Variants in ZNHIT6 observed in about 807,000 individuals in gnomAD.
ZNHIT6 encodes box C/D snoRNA protein 1.
In ZNHIT6, 45 loss-of-function variants were observed where a neutral mutation model predicts 57.2. That is an observed-to-expected ratio of 0.79 (90% CI 0.62 to 1.01). The LOEUF is 1.01. Ranked by LOEUF, ZNHIT6 falls within the 50% of genes least tolerant of loss-of-function variation. The probability of loss-of-function intolerance (pLI) is 0.00; values close to 1 mark genes in which losing one functional copy is unlikely to be tolerated. For synonymous variants in ZNHIT6, 188 were observed against 190.0 expected, an observed-to-expected ratio of 0.99 and a Z score of 0.09; for missense variants, 528 against 567.3, an observed-to-expected ratio of 0.93 and a Z score of 0.70.
chr1:85,692,999 C>T (rs1334137748), intron 5 of ZNHIT6, among the ~76,000 whole-genome samples: 3 of 152,032 alleles, frequency 2.0e-5, no homozygotes, highest in Non-Finnish European at 4.4e-5. Context: ...TATCTTCATA[C>T]TGTAAGTAAA....
chr1:85,680,922 CA>C lies in ZNHIT6; in HGVS notation c.1020-19del. The C allele has an allele frequency of 6.3e-7, 1 of 1,595,444 alleles. No individual in the cohort carries two copies. The highest frequency in any genetic ancestry group is 8.6e-7 in the Non-Finnish European group (1 of 1,166,380). Reference sequence around the variant, plus strand: ...GTTGTTTTCTAAGAGAGAAAATAATCATGTGAGAATCAAGGTAGATAATAAA... The same window carrying C: ...GTTGTTTTCTAAGAGAGAAAATAATCTGTGAGAATCAAGGTAGATAATAAA... On this transcript the variant is annotated intron_variant, in intron 5 of 9. Transcript: ENST00000370574.
chr1:85,670,498 A>T (rs769229045), intron 8 of ZNHIT6, among the ~76,000 whole-genome samples: 1 of 152,174 alleles, frequency 6.6e-6, no homozygotes, highest in Non-Finnish European at 1.5e-5. Flanking sequence ...TTAAGACTGA[A>T]CACTTACTGT....
intron 5 of ZNHIT6, among the ~76,000 whole-genome samples, chr1:85,695,905 A>G (rs1557869073): frequency 6.6e-6 from 1 of 152,186 alleles, no homozygotes; most frequent in Non-Finnish European, 1.5e-5. Flanking sequence ...GTGTGGTGGC[A>G]TGTGCCTGTA....
intron 9 of ZNHIT6, among the ~76,000 whole-genome samples, 162 bp from the exon 10 acceptor site, chr1:85,654,260 C>T (rs1557829201): frequency 6.6e-6 from 1 of 152,132 alleles, no homozygotes; most frequent in African/African-American, 2.4e-5. Context: ...CAATTCTGGC[C>T]ACAATAAATA....
intron 8 of ZNHIT6, among the ~76,000 whole-genome samples, chr1:85,675,374 G>A (rs966711473): frequency 2.0e-5 from 3 of 152,142 alleles, no homozygotes; most frequent in Admixed American, 2.0e-4. Context: ...GTCCCAAAGA[G>A]GATCGAAGTT....
chr1:85,678,891 A>G, intron 6 of ZNHIT6, 110 bp from the exon 7 acceptor site: 1 of 564,698 alleles, frequency 1.8e-6, no homozygotes, highest in Non-Finnish European at 3.0e-6. Flanking sequence ...AAATAACTGA[A>G]CAAAGACCTT....
chr1:85,678,563 G>A, intron 7 of ZNHIT6, 138 bp downstream of exon 7: 1 of 593,506 alleles, frequency 1.7e-6, no homozygotes, highest in Non-Finnish European at 2.9e-6. Flanking sequence ...TCTACAGACA[G>A]ACCTTCAGTA....
chr1:85,676,756 A>T (rs1362751800), intron 8 of ZNHIT6, among the ~76,000 whole-genome samples: 1 of 151,956 alleles, frequency 6.6e-6, no homozygotes, highest in Non-Finnish European at 1.5e-5. Flanking sequence ...AGTAACATTA[A>T]AGTGTTACTA....
At chr1:85,688,461 T>C (rs770465105) in intron 5 of ZNHIT6, among the ~76,000 whole-genome samples, 2 of 152,226 alleles carry the variant, frequency 1.3e-5, no homozygotes, top group Non-Finnish European at 2.9e-5. Flanking sequence ...GTATCTCAGT[T>C]ACTTTTTATT....
chr1:85,697,275 C>T (rs1169461618), intron 5 of ZNHIT6, among the ~76,000 whole-genome samples: 1 of 151,994 alleles, frequency 6.6e-6, no homozygotes, highest in Non-Finnish European at 1.5e-5. Flanking sequence ...CTTTTTTGGT[C>T]CAGTCTTTTC....
intron 5 of ZNHIT6, among the ~76,000 whole-genome samples, chr1:85,700,636 T>A (rs538337879): frequency 1.3e-5 from 2 of 152,344 alleles, no homozygotes; most frequent in South Asian, 4.1e-4. Context: ...TTACAATCAT[T>A]CTGAATAGTT....
chr1:85,658,670 G>C (rs1202288384), intron 8 of ZNHIT6, among the ~76,000 whole-genome samples: 1 of 151,986 alleles, frequency 6.6e-6, no homozygotes, highest in African/African-American at 2.4e-5. Context: ...TTGGGAGTTT[G>C]AGACCAGCGT....
At position 85,649,855 on chromosome 1, in the gene ZNHIT6, A is replaced by AT. The variant is rs1271937623; in HGVS notation, c.*4202dup. The stretch of plus-strand genomic sequence containing the variant: ...ATGATGTCAAATAAAAATGGATGGC[A>AT]TTAAAAAAAAAATCCAAAAACCTAT... On this transcript the variant is annotated 3_prime_UTR_variant, in exon 10 of 10. Coordinates refer to ENST00000370574, the MANE Select transcript of ZNHIT6 (RefSeq NM_017953.4). 1.3e-5 allele frequency: 2 copies of AT among 152,124 alleles called. No homozygotes were observed. 9.4% of individuals were successfully genotyped at this position (152,124 alleles called of 1,614,324 possible).
intron 5 of ZNHIT6, among the ~76,000 whole-genome samples, chr1:85,699,544 C>T (rs17128092): frequency 0.038 from 5,847 of 152,044 alleles, 188 homozygotes; most frequent in East Asian, 0.14. Context: ...TAAAGCTGCC[C>T]ACAAAAAAAT....
chr1:85,666,366 G>A (rs754997769), intron 8 of ZNHIT6, among the ~76,000 whole-genome samples: 7 of 151,964 alleles, frequency 4.6e-5, no homozygotes, highest in East Asian at 3.9e-4. Flanking sequence ...TTAACATTAC[G>A]CTAAAATATC....
chr1:85,653,990 C>G lies in ZNHIT6; in HGVS notation c.*68G>C. ...CATTGACAATACCCCAATCAGCCAACAGCCCATCAATGCAGAGTCTGCTGC... is the reference window on the plus strand; with the variant it reads ...CATTGACAATACCCCAATCAGCCAAGAGCCCATCAATGCAGAGTCTGCTGC... On this transcript the variant is annotated 3_prime_UTR_variant, in exon 10 of 10. Transcript: ENST00000370574. 7.3e-7 allele frequency: 1 copy of G among 1,365,096 alleles called. No homozygotes were observed. The highest frequency in any genetic ancestry group is 1.0e-6 in the Non-Finnish European group (1 of 967,524). The allele number at this position is 1,365,096 out of a possible 1,614,324, so 84.6% of individuals were successfully genotyped here. A position where few individuals can be genotyped will look rare whatever the true frequency, so the allele number is the denominator to read the frequency against.
At chr1:85,663,597 T>C (rs1233669357) in intron 8 of ZNHIT6, among the ~76,000 whole-genome samples, 1 of 152,150 alleles carries the variant, frequency 6.6e-6, no homozygotes, top group Non-Finnish European at 1.5e-5. Flanking sequence ...CCTTGCACTT[T>C]ATGGGGGGAG....
chr1:85,700,496 A>T (rs531449808), intron 5 of ZNHIT6, among the ~76,000 whole-genome samples: 1 of 152,302 alleles, frequency 6.6e-6, no homozygotes, highest in South Asian at 2.1e-4. Flanking sequence ...CCAAAAATAT[A>T]TTAAACCTGG....
At chr1:85,699,742 G>A (rs1024577225) in intron 5 of ZNHIT6, among the ~76,000 whole-genome samples, 1 of 152,002 alleles carries the variant, frequency 6.6e-6, no homozygotes, top group Non-Finnish European at 1.5e-5. Flanking sequence ...AGTCAGGTAA[G>A]CACACAAAAC....
Sources: allele counts gnomAD v4.1 joint callset (sites outside exome capture counted in the v4.1 genomes callset), GRCh38; gene constraint gnomAD v4.1.1; transcripts MANE v1.5; gene names NCBI Gene and HGNC (gene_info 2026-07-23, HGNC 2026-07-21).